Variants in UBTD1 observed in about 807,000 individuals in gnomAD.
UBTD1 encodes the protein ubiquitin domain-containing protein 1.
In UBTD1, 19 loss-of-function variants were observed where a neutral mutation model predicts 21.7. The observed-to-expected ratio is 0.87, with a 90% CI of 0.61 to 1.28. UBTD1 has a LOEUF of 1.28. UBTD1 is among the 50% of genes most tolerant of loss of function. The probability of loss-of-function intolerance (pLI) is 0.00; values close to 1 mark genes in which losing one functional copy is unlikely to be tolerated. For missense variants in UBTD1, 282 were observed against 315.1 expected, an observed-to-expected ratio of 0.89 and a Z score of 0.80; for synonymous variants, 116 against 135.1, an observed-to-expected ratio of 0.86 and a Z score of 0.98.
chr10:97,511,396 T>C (rs1425921090), intron 1 of UBTD1, among the ~76,000 whole-genome samples: 1 of 152,114 alleles, frequency 6.6e-6, no homozygotes, highest in African/African-American at 2.4e-5. Context: ...TTCCATGCAA[T>C]ACCCACCTGA....
chr10:97,549,198 A>G (rs998720887), intron 1 of UBTD1, among the ~76,000 whole-genome samples: 1 of 152,198 alleles, frequency 6.6e-6, no homozygotes, highest in African/African-American at 2.4e-5. Context: ...CTCCTCCAGC[A>G]GGTTTCCTCA....
chr10:97,526,854 CAAA>C (rs35330483), intron 1 of UBTD1, among the ~76,000 whole-genome samples: 1 of 63,298 alleles, frequency 1.6e-5, no homozygotes, highest in African/African-American at 6.8e-5. Context: ...GACTCCGTCT[CAAA>C]AAAAAAAAAA....
At chr10:97,561,110 G>C (rs2040690382) in intron 1 of UBTD1, among the ~76,000 whole-genome samples, 1 of 152,118 alleles carries the variant, frequency 6.6e-6, no homozygotes, top group Non-Finnish European at 1.5e-5. Flanking sequence ...CTGGTGTTCA[G>C]CCACTGTGTT....
At chr10:97,509,320 CT>C (rs2040412042) in intron 1 of UBTD1, among the ~76,000 whole-genome samples, 1 of 152,202 alleles carries the variant, frequency 6.6e-6, no homozygotes, top group Non-Finnish European at 1.5e-5. Context: ...TTTGCAGAGC[CT>C]CAGTTTCTGC....
intron 1 of UBTD1, among the ~76,000 whole-genome samples, chr10:97,560,214 C>T (rs2040685898): frequency 6.6e-6 from 1 of 152,080 alleles, no homozygotes; most frequent in Non-Finnish European, 1.5e-5. Context: ...TCTGCCTCAC[C>T]CTTTTTTTGA....
At chr10:97,554,035 C>G (rs1256537980) in intron 1 of UBTD1, among the ~76,000 whole-genome samples, 1 of 152,172 alleles carries the variant, frequency 6.6e-6, no homozygotes, top group African/African-American at 2.4e-5. Flanking sequence ...CAGCATCCTT[C>G]AGGCACGTGT....
chr10:97,560,998 G>A (rs150170543), intron 1 of UBTD1, among the ~76,000 whole-genome samples: 2,388 of 152,216 alleles, frequency 0.016, 64 homozygotes, highest in African/African-American at 0.055. Context: ...CAGGCACGTC[G>A]TGGGTGATCA....
intron 1 of UBTD1, among the ~76,000 whole-genome samples, chr10:97,551,804 A>G (rs1004981840): frequency 1.3e-5 from 2 of 152,220 alleles, no homozygotes; most frequent in Admixed American, 6.5e-5. Context: ...TATTAAAGTA[A>G]TACATTCTTA....
At chr10:97,499,488 A>G (rs1394277452) in intron 1 of UBTD1, among the ~76,000 whole-genome samples, 1 of 150,896 alleles carries the variant, frequency 6.6e-6, no homozygotes, top group African/African-American at 2.4e-5. Context: ...TGCGCGACCA[A>G]CTCTCTCCAA....
intron 1 of UBTD1, among the ~76,000 whole-genome samples, chr10:97,517,279 T>C (rs192317225): frequency 1.3e-4 from 19 of 150,982 alleles, no homozygotes; most frequent in Non-Finnish European, 8.9e-5. Flanking sequence ...AGGAGAGAGA[T>C]GGGCAGCTAG....
At chr10:97,501,602 C>A (rs370529962) in intron 1 of UBTD1, among the ~76,000 whole-genome samples, 1 of 151,834 alleles carries the variant, frequency 6.6e-6, no homozygotes, top group African/African-American at 2.4e-5. Flanking sequence ...CAAAAAAAAA[C>A]AAAACAACAG....
intron 1 of UBTD1, among the ~76,000 whole-genome samples, chr10:97,546,734 G>C (rs2040612741): frequency 6.6e-6 from 1 of 152,090 alleles, no homozygotes; most frequent in South Asian, 2.1e-4. Context: ...CTCCCGCCTT[G>C]CTCCTGCCGC....
At chr10:97,534,580 C>T (rs566018915) in intron 1 of UBTD1, among the ~76,000 whole-genome samples, 334 of 26,516 alleles carry the variant, frequency 0.013, no homozygotes, top group Middle Eastern at 0.12. Context: ...CGCGCGCGCG[C>T]ACACACACAC....
intron 1 of UBTD1, among the ~76,000 whole-genome samples, chr10:97,563,695 T>C (rs796281659): frequency 8.5e-5 from 13 of 152,146 alleles, no homozygotes; most frequent in South Asian, 6.2e-4. Flanking sequence ...GGAGGAAAAG[T>C]GTAAACTGGC....
chr10:97,537,810 C>G (rs1380021579), intron 1 of UBTD1, among the ~76,000 whole-genome samples: 1 of 148,980 alleles, frequency 6.7e-6, no homozygotes, highest in Non-Finnish European at 1.5e-5. Context: ...GTGCTTGTAA[C>G]AGGCTTTCTC....
At position 97,567,908 on chromosome 10, in the gene UBTD1, G is replaced by A; in HGVS notation, c.71-6G>A. On this transcript the variant is annotated splice_region_variant and splice_polypyrimidine_tract_variant and intron_variant, in intron 1 of 2. Coordinates refer to ENST00000370664, the MANE Select transcript of UBTD1 (RefSeq NM_024954.5). ...GATGCTGAGCCTCTCCTTCTGTCCT[G>A]CCCAGGACGCAATGAGCCCCTGAAG... is the stretch of plus-strand genomic sequence containing the variant. 6.2e-7 allele frequency: 1 copy of A among 1,614,024 alleles called. No individual in the cohort carries two copies. The highest frequency in any genetic ancestry group is 8.5e-7 in the Non-Finnish European group (1 of 1,180,008).
intron 1 of UBTD1, among the ~76,000 whole-genome samples, chr10:97,564,260 G>T (rs1181570355): frequency 3.9e-5 from 6 of 152,176 alleles, no homozygotes; most frequent in Admixed American, 3.9e-4. Flanking sequence ...TGGTGTCTGG[G>T]ACAAGGTTGG....
intron 1 of UBTD1, among the ~76,000 whole-genome samples, chr10:97,523,560 C>T (rs555308694): frequency 7.2e-4 from 110 of 152,106 alleles, no homozygotes; most frequent in Non-Finnish European, 1.2e-3. Context: ...CCACTGTTTC[C>T]TTGCTAGCAC....
intron 1 of UBTD1, among the ~76,000 whole-genome samples, chr10:97,507,335 G>T (rs1490620622): frequency 6.6e-6 from 1 of 152,120 alleles, no homozygotes; most frequent in African/African-American, 2.4e-5. Flanking sequence ...ACATCTGAGT[G>T]TGTTAGAATT....
Sources: allele counts gnomAD v4.1 joint callset (sites outside exome capture counted in the v4.1 genomes callset), GRCh38; gene constraint gnomAD v4.1.1; transcripts MANE v1.5; gene names NCBI Gene and HGNC (gene_info 2026-07-23, HGNC 2026-07-21).